KCNIP1: variants seen among roughly 807,000 people sequenced by gnomAD.
The protein encoded by KCNIP1 is potassium voltage-gated channel interacting protein 1.
Under a neutral mutation model 33.0 loss-of-function variants are expected in KCNIP1, and 18 were observed. That is an observed-to-expected ratio of 0.55 (90% CI 0.38 to 0.81). The LOEUF (loss-of-function observed/expected upper bound fraction) is 0.81, where lower values mean the gene tolerates loss of function less well. KCNIP1 is among the 30% of genes least tolerant of loss of function. KCNIP1 has a pLI of 0.00. For synonymous variants in KCNIP1, 93 were observed against 98.3 expected, an observed-to-expected ratio of 0.95 and a Z score of 0.32; for missense variants, 238 against 271.6, an observed-to-expected ratio of 0.88 and a Z score of 0.87.
At chr5:170,396,072 T>G (rs147474895) in intron 1 of KCNIP1, among the ~76,000 whole-genome samples, 1 of 152,238 alleles carries the variant, frequency 6.6e-6, no homozygotes, top group Admixed American at 6.5e-5. Flanking sequence ...ACATCAGGGC[T>G]TTTGTCTTTT....
Position 170,589,817 on chromosome 5 carries a change from G to GCGGTGCGGTA in KCNIP1, c.61+85184_61+85185insCGGTGCGGTA, listed in dbSNP as rs1302988038. Among the ~76,000 whole-genome samples the GCGGTGCGGTA allele has an allele frequency of 2.6e-5, 4 of 151,646 alleles. No homozygotes were observed. In the East Asian group the frequency reaches 7.8e-4, roughly 29 times the overall value. On this transcript the variant is annotated intron_variant, in intron 1 of 7. Coordinates refer to ENST00000328939, the MANE Select transcript of KCNIP1 (RefSeq NM_014592.4). ...GGTGTGCGGTGCGGTGCGGTGCGGT[G>GCGGTGCGGTA]TGGTGTGGTATGGGTTGAGGCTGGC...
At chr5:170,438,425 G>C (rs1581192875) in intron 1 of KCNIP1, among the ~76,000 whole-genome samples, 1 of 152,210 alleles carries the variant, frequency 6.6e-6, no homozygotes, top group African/African-American at 2.4e-5. Flanking sequence ...TGGCCCAGAG[G>C]CAGCCCTGGC....
intron 1 of KCNIP1, among the ~76,000 whole-genome samples, chr5:170,519,758 G>A (rs957926830): frequency 2.6e-5 from 4 of 152,140 alleles, no homozygotes; most frequent in African/African-American, 9.7e-5. Context: ...GGAGAGAGAT[G>A]GGTAATAAGA....
intron 1 of KCNIP1, among the ~76,000 whole-genome samples, chr5:170,621,911 T>C (rs1407666728): frequency 6.6e-6 from 1 of 152,184 alleles, no homozygotes; most frequent in Non-Finnish European, 1.5e-5. Context: ...CCAAAACCTC[T>C]GTCCTCAAGC....
At chr5:170,659,940 G>A (rs963519680) in intron 1 of KCNIP1, among the ~76,000 whole-genome samples, 2 of 152,134 alleles carry the variant, frequency 1.3e-5, no homozygotes, top group South Asian at 2.1e-4. Context: ...ATGATCACAA[G>A]AGCTGCCATG....
chr5:170,505,199 T>G (rs917247504), intron 1 of KCNIP1, among the ~76,000 whole-genome samples: 2 of 152,078 alleles, frequency 1.3e-5, no homozygotes, highest in African/African-American at 2.4e-5. Context: ...GGAGCAACCG[T>G]GAAGGGCTGG....
At chr5:170,656,614 T>C (rs1488009899) in intron 1 of KCNIP1, among the ~76,000 whole-genome samples, 2 of 152,164 alleles carry the variant, frequency 1.3e-5, no homozygotes, top group Non-Finnish European at 2.9e-5. Flanking sequence ...CTAGAGGTCA[T>C]GGGAGCCTGG....
rs77956921 is a variant in KCNIP1, at chr5:170,406,228, G to A, written c.88+52264G>A. Among the ~76,000 whole-genome samples the A allele has an allele frequency of 7.9e-3, 1,199 of 152,310 alleles. 17 individuals are homozygous for A. Among genetic ancestry groups the A allele is most frequent in the African/African-American group, 0.027 (1,125 of 41,564 alleles). ...CAGTGAGTTGGTGGGAGAGAGATTG[G>A]GGGTACGTTTATGGAAAATCACGGA... On this transcript the variant is annotated intron_variant, in intron 1 of 7. Transcript: ENST00000377360.
intron 1 of KCNIP1, among the ~76,000 whole-genome samples, chr5:170,571,882 G>C (rs55758655): frequency 0.33 from 50,621 of 152,068 alleles, 9,975 homozygotes; most frequent in Admixed American, 0.44. Context: ...TCACAAGAAA[G>C]TATCTTTTCC....
chr5:170,458,044 C>T (rs915907917), intron 1 of KCNIP1, among the ~76,000 whole-genome samples: 1 of 152,072 alleles, frequency 6.6e-6, no homozygotes, highest in Non-Finnish European at 1.5e-5. Flanking sequence ...TATAGAAATG[C>T]AAAAGGCTCT....
chr5:170,487,726 C>T (rs1189030358), intron 1 of KCNIP1, among the ~76,000 whole-genome samples: 1 of 152,024 alleles, frequency 6.6e-6, no homozygotes, highest in Non-Finnish European at 1.5e-5. Flanking sequence ...CCATGTTACC[C>T]AGGCTGGTCT....
intron 1 of KCNIP1, among the ~76,000 whole-genome samples, chr5:170,390,517 A>AAAAAATATATATATATAT: frequency 6.7e-5 from 5 of 74,546 alleles, no homozygotes; most frequent in East Asian, 4.1e-4. Context: ...AAAAAAAACA[A>AAAAAATATATATATATAT]ATATATATAT....
At chr5:170,576,195 G>C (rs1757598601) in intron 1 of KCNIP1, among the ~76,000 whole-genome samples, 1 of 152,114 alleles carries the variant, frequency 6.6e-6, no homozygotes, top group Non-Finnish European at 1.5e-5. Context: ...CTATAAGCAG[G>C]GGCACTCTGC....
chr5:170,503,128 G>A (rs1313371104), upstream of KCNIP1, among the ~76,000 whole-genome samples: 2 of 152,082 alleles, frequency 1.3e-5, no homozygotes, highest in Non-Finnish European at 2.9e-5. Context: ...GGTGGCTCTC[G>A]CCTGTAATCT....
intron 1 of KCNIP1, among the ~76,000 whole-genome samples, chr5:170,507,114 A>C (rs1188516341): frequency 6.6e-6 from 1 of 152,178 alleles, no homozygotes; most frequent in Non-Finnish European, 1.5e-5. Flanking sequence ...TTTATGGTTG[A>C]TGCTCTCACC....
At chr5:170,459,408 T>C (rs1435141491) in intron 1 of KCNIP1, among the ~76,000 whole-genome samples, 5 of 152,210 alleles carry the variant, frequency 3.3e-5, no homozygotes, top group Admixed American at 3.3e-4. Flanking sequence ...CAACTGCATA[T>C]GGAACTTTCT....
At chr5:170,435,351 G>A (rs2113453530) in intron 1 of KCNIP1, among the ~76,000 whole-genome samples, 1 of 152,332 alleles carries the variant, frequency 6.6e-6, no homozygotes, top group South Asian at 2.1e-4. Flanking sequence ...GACTCTGTTA[G>A]CATATTTCAG....
intron 1 of KCNIP1, among the ~76,000 whole-genome samples, chr5:170,613,358 A>G (rs1258862384): frequency 6.6e-6 from 1 of 152,202 alleles, no homozygotes; most frequent in Non-Finnish European, 1.5e-5. Flanking sequence ...TAGACAAAAC[A>G]TTAATTGAGT....
At chr5:170,398,660 A>G (rs1171812576) in intron 1 of KCNIP1, among the ~76,000 whole-genome samples, 1 of 152,196 alleles carries the variant, frequency 6.6e-6, no homozygotes, top group African/African-American at 2.4e-5. Flanking sequence ...GACCATTCTA[A>G]CTGTCCTTTT....
Sources: gnomAD v4.1 joint callset for allele counts (sites outside exome capture counted in the v4.1 genomes callset) on GRCh38, gnomAD v4.1.1 for gene constraint, MANE v1.5 for transcripts, NCBI Gene and HGNC (gene_info 2026-07-23, HGNC 2026-07-21) for gene names.